The following TSEN15 variants were observed in gnomAD, a reference collection of about 807,000 sequenced individuals.
TSEN15 encodes the protein tRNA splicing endonuclease subunit 15.
In TSEN15, 10 loss-of-function variants were observed where a neutral mutation model predicts 20.5. The observed-to-expected ratio is 0.49, with a 90% CI of 0.30 to 0.83. The LOEUF (loss-of-function observed/expected upper bound fraction) is 0.83. TSEN15 is among the 40% of genes least tolerant of loss of function. The pLI, the probability that TSEN15 is intolerant of heterozygous loss-of-function variation, is 0.06. For missense variants in TSEN15, 180 were observed against 218.6 expected (o/e 0.82, Z 1.11); for synonymous variants, 72 against 80.1 (o/e 0.90, Z 0.54).
downstream of TSEN15, among the ~76,000 whole-genome samples, chr1:184,074,799 G>C (rs1240039361): frequency 6.6e-6 from 1 of 151,892 alleles, no homozygotes; most frequent in Admixed American, 6.6e-5. Context: ...TCCTTCCTTT[G>C]ATGGTATTTG....
intron 3 of TSEN15, among the ~76,000 whole-genome samples, chr1:184,069,937 C>CA (rs1391153611): frequency 1.3e-5 from 2 of 152,006 alleles, no homozygotes; most frequent in Non-Finnish European, 2.9e-5. Context: ...TCACCGCCCC[C>CA]TCCAACCAAA....
chr1:184,054,970 GC>G (rs1650194244), intron 3 of TSEN15, 107 bp downstream of exon 3: 1 of 1,288,980 alleles, frequency 7.8e-7, no homozygotes, highest in Non-Finnish European at 1.1e-6. Flanking sequence ...AGGGTTCATA[GC>G]TTTACTCTTG....
At chr1:184,060,172 C>T (rs972553081) in intron 3 of TSEN15, among the ~76,000 whole-genome samples, 1 of 152,232 alleles carries the variant, frequency 6.6e-6, no homozygotes, top group Non-Finnish European at 1.5e-5. Context: ...TTGAAGAAGA[C>T]TTGCAGACAG....
At chr1:184,076,778 A>G (rs192098271), downstream of TSEN15, among the ~76,000 whole-genome samples, 49 of 152,324 alleles carry the variant, frequency 3.2e-4, no homozygotes, top group East Asian at 8.7e-3. Context: ...GAGAAGATCA[A>G]ACCAGCTACA....
chr1:184,079,361 G>A (rs1253406331), intron 3 of TSEN15, among the ~76,000 whole-genome samples: 1 of 152,122 alleles, frequency 6.6e-6, no homozygotes. Context: ...ACATTAACTG[G>A]TATCTTAGCT....
intron 3 of TSEN15, among the ~76,000 whole-genome samples, chr1:184,081,227 G>A (rs150590783): frequency 3.3e-5 from 5 of 152,304 alleles, no homozygotes; most frequent in Admixed American, 3.3e-4. Flanking sequence ...ATTAGTCAGG[G>A]TGGGCTGGAT....
At chr1:184,076,297 G>A (rs1427269160), downstream of TSEN15, among the ~76,000 whole-genome samples, 1 of 151,984 alleles carries the variant, frequency 6.6e-6, no homozygotes, top group Non-Finnish European at 1.5e-5. Flanking sequence ...ATGGTGATCT[G>A]TTTTTCAGGG....
chr1:184,067,906 G>C (rs1356791099), intron 3 of TSEN15, among the ~76,000 whole-genome samples: 1 of 124,864 alleles, frequency 8.0e-6, no homozygotes, highest in East Asian at 2.2e-4. Context: ...CTGGGTGACA[G>C]AGCGAGACTC....
chr1:184,067,941 A>ATATAT (rs1553220588), intron 3 of TSEN15, among the ~76,000 whole-genome samples: 30 of 95,574 alleles, frequency 3.1e-4, no homozygotes, highest in Admixed American at 1.3e-3. Context: ...AAAAAAAAAA[A>ATATAT]ATATATATAT....
intron 3 of TSEN15, among the ~76,000 whole-genome samples, chr1:184,080,396 T>G (rs568081825): frequency 6.6e-6 from 1 of 152,280 alleles, no homozygotes; most frequent in African/African-American, 2.4e-5. Context: ...GATCCAGGTC[T>G]CCTGATACCT....
intron 4 of TSEN15, 57 bp downstream of exon 4, chr1:184,072,355 A>AT: frequency 3.3e-6 from 5 of 1,509,316 alleles, no homozygotes; most frequent in Non-Finnish European, 2.7e-6. Context: ...TTATGACGTG[A>AT]TTTTAAGTGT....
At chr1:184,076,087 A>T (rs1378741555), downstream of TSEN15, among the ~76,000 whole-genome samples, 1 of 151,950 alleles carries the variant, frequency 6.6e-6, no homozygotes, top group Non-Finnish European at 1.5e-5. Context: ...CTTTAATATA[A>T]GCAGGTATTC....
chr1:184,093,521 T>C (rs1651394806), intron 3 of TSEN15: 1 of 152,240 alleles, frequency 6.6e-6, no homozygotes, highest in Non-Finnish European at 1.5e-5. Flanking sequence ...ATATGTAACT[T>C]ACTCAGCACA....
At chr1:184,061,961 A>G (rs1377129228) in intron 3 of TSEN15, among the ~76,000 whole-genome samples, 1 of 152,174 alleles carries the variant, frequency 6.6e-6, no homozygotes, top group African/African-American at 2.4e-5. Context: ...GTTATATATG[A>G]TATGTGATCA....
chr1:184,081,372 A>T (rs949098141), intron 3 of TSEN15, among the ~76,000 whole-genome samples: 6 of 152,156 alleles, frequency 3.9e-5, no homozygotes, highest in South Asian at 2.1e-4. Context: ...CCACCATCTG[A>T]AATGCTGTCA....
At chr1:184,072,381 CAGA>C in intron 4 of TSEN15, 83 bp downstream of exon 4, 3 of 1,262,892 alleles carry the variant, frequency 2.4e-6, no homozygotes, top group Non-Finnish European at 3.2e-6. Flanking sequence ...AAGTCAGTCA[CAGA>C]ACTGCCACTT....
chr1:184,060,355 C>T (rs1050840007), intron 3 of TSEN15, among the ~76,000 whole-genome samples: 1 of 152,152 alleles, frequency 6.6e-6, no homozygotes, highest in Non-Finnish European at 1.5e-5. Context: ...CAATGAAGGC[C>T]AGATTTTAGA....
downstream of TSEN15, among the ~76,000 whole-genome samples, chr1:184,076,862 G>C (rs1399359526): frequency 6.6e-6 from 1 of 152,156 alleles, no homozygotes; most frequent in Non-Finnish European, 1.5e-5. Flanking sequence ...GGCTGAGAGA[G>C]GTGACAAAAC....
intron 3 of TSEN15, among the ~76,000 whole-genome samples, chr1:184,058,888 GC>G (rs1650343073): frequency 6.6e-6 from 1 of 151,828 alleles, no homozygotes; most frequent in South Asian, 2.1e-4. Flanking sequence ...TATTGCTTGG[GC>G]TTTTTGGTCT....
Sources: gnomAD v4.1 joint callset for allele counts (sites outside exome capture counted in the v4.1 genomes callset) on GRCh38, gnomAD v4.1.1 for gene constraint, MANE v1.5 for transcripts, NCBI Gene and HGNC (gene_info 2026-07-23, HGNC 2026-07-21) for gene names.